The following TTC17 variants were observed in gnomAD, a reference collection of about 807,000 sequenced individuals.
The protein encoded by TTC17 is tetratricopeptide repeat protein 17.
TTC17 carries 58 observed loss-of-function variants against 143.8 expected under a neutral mutation model. The observed-to-expected ratio is 0.40, with a 90% CI of 0.33 to 0.50. The LOEUF is 0.50. Ranked by LOEUF, TTC17 falls within the 20% of genes least tolerant of loss-of-function variation. The pLI is 0.49. For synonymous variants in TTC17, 501 were observed against 497.8 expected (o/e 1.01, Z -0.09); for missense variants, 1,273 against 1,392.5 (o/e 0.91, Z 1.37).
chr11:43,482,948 CTT>C (rs1161250051), intron 21 of TTC17, among the ~76,000 whole-genome samples: 2 of 151,970 alleles, frequency 1.3e-5, no homozygotes, highest in Admixed American at 6.6e-5. Flanking sequence ...GTAAAATAAA[CTT>C]TTGGCAAAAT....
At chr11:43,362,556 G>A (rs1331263643) in intron 1 of TTC17, among the ~76,000 whole-genome samples, 1 of 152,260 alleles carries the variant, frequency 6.6e-6, no homozygotes, top group East Asian at 1.9e-4. Flanking sequence ...GTCAGAGCTG[G>A]GGCTGCTGCA....
intron 23 of TTC17, among the ~76,000 whole-genome samples, chr11:43,492,800 A>G (rs1948496882): frequency 6.6e-6 from 1 of 152,232 alleles, no homozygotes. Flanking sequence ...CTGATCAGAA[A>G]CAAGAACTGC....
intron 21 of TTC17, among the ~76,000 whole-genome samples, chr11:43,458,902 T>G (rs1387096496): frequency 2.0e-5 from 3 of 152,198 alleles, no homozygotes; most frequent in Non-Finnish European, 4.4e-5. Context: ...TTACTGTGTC[T>G]AATTTATAAA....
At chr11:43,430,543 A>T (rs189121014) in intron 16 of TTC17, among the ~76,000 whole-genome samples, 1 of 152,164 alleles carries the variant, frequency 6.6e-6, no homozygotes, top group Non-Finnish European at 1.5e-5. Context: ...GTCTATTAAA[A>T]TGTCCTTTAG....
In TTC17 at chr11:43,396,731, A is replaced by G. The variant is rs1590351861; in HGVS notation, c.686A>G (p.Tyr229Cys). The change falls in exon 6 of 24, where the codon TAT (tyrosine) becomes TGT (cysteine). Residue 229 changes from tyrosine (Y) to cysteine (C), a missense_variant. Physicochemically the swap from Tyr to Cys is radical, Grantham distance 194. Around this residue, in one of 3 missense-constraint regions of TTC17, gnomAD observed 325 missense variants for 444.2 expected, o/e 0.73. Transcript: ENST00000039989. ...TAGAACACTTCCTCGTGGGTACTGTATAACATGGCTTCATTTTACTGGAGA... is the reference window on the plus strand; with the variant it reads ...TAGAACACTTCCTCGTGGGTACTGTGTAACATGGCTTCATTTTACTGGAGA... ...LQKNTSSWVL[Y>C]NMASFYWRIK... 6.2e-7 allele frequency: 1 copy of G among 1,608,236 alleles called. No homozygotes were observed. Among genetic ancestry groups the G allele is most frequent in the Non-Finnish European group, 8.5e-7 (1 of 1,175,682 alleles).
chr11:43,463,287 T>TA (rs1590464560), intron 21 of TTC17, among the ~76,000 whole-genome samples: 1 of 151,996 alleles, frequency 6.6e-6, no homozygotes, highest in African/African-American at 2.4e-5. Flanking sequence ...GACTGAGCCA[T>TA]AAAAAAGGCC....
At chr11:43,446,046 C>T in intron 18 of TTC17, 5 of 1,524,062 alleles carry the variant, frequency 3.3e-6, no homozygotes, top group South Asian at 1.2e-5. Flanking sequence ...GAGATGTGGG[C>T]TTGAAGCCTT....
chr11:43,379,935 G>GT (rs199760648), intron 2 of TTC17, among the ~76,000 whole-genome samples: 43 of 148,670 alleles, frequency 2.9e-4, no homozygotes, highest in Admixed American at 1.2e-3. Context: ...GAAAAACTAG[G>GT]TTTTTTTTTT....
intron 21 of TTC17, among the ~76,000 whole-genome samples, chr11:43,454,464 A>G (rs951243125): frequency 5.9e-5 from 9 of 152,142 alleles, no homozygotes; most frequent in African/African-American, 2.2e-4. Flanking sequence ...AGATGGATTC[A>G]AGGGACCAAG....
rs1590401246 is a variant in TTC17 at position 43,427,250 on chromosome 11, A to G, written c.2251+12474A>G. Among the ~76,000 whole-genome samples, 3 of 152,296 alleles carry G rather than the reference A, an allele frequency of 2.0e-5. No homozygotes were observed. In the East Asian group the frequency reaches 5.8e-4, roughly 29 times the overall value. ...GCAGGAAAAAGGAGAGGCAGATGGT[A>G]AACACTAAGGGTTGTGGGTAGCTAG... On this transcript the variant is annotated intron_variant, in intron 16 of 23. Coordinates refer to ENST00000039989, the MANE Select transcript of TTC17 (RefSeq NM_018259.6).
At chr11:43,364,047 C>CTTTTT (rs71308379) in intron 1 of TTC17, among the ~76,000 whole-genome samples, 4 of 94,452 alleles carry the variant, frequency 4.2e-5, no homozygotes, top group Admixed American at 1.3e-4. Context: ...TACAGATCCT[C>CTTTTT]TTTTTTTTTT....
intron 7 of TTC17, 67 bp from the exon 8 acceptor site, chr11:43,397,901 CGTGTGT>C (rs368934799): frequency 0.07 from 86,643 of 1,235,522 alleles, 2,254 homozygotes; most frequent in East Asian, 0.17. Flanking sequence ...TTTTTTTTTC[CGTGTGT>C]GTGTGTGTGT....
rs781433432 is a variant in TTC17 at position 43,451,197 on chromosome 11, G to A, written c.2962G>A (p.Gly988Ser). 49 of 1,612,678 alleles carry A rather than the reference G, an allele frequency of 3.0e-5. No homozygotes were observed. Among genetic ancestry groups the A allele is most frequent in the Non-Finnish European group, 3.9e-5 (46 of 1,179,078 alleles). The part of the protein sequence containing the change: ...SQLTEVLQNL[G>S]KDQYPQQSLE... ...TTCCTTCCAGGTATTACAAAATCTC[G>A]GCAAAGACCAATATCCACAACAGTC... Residue 988 changes from glycine to serine, a missense_variant, in exon 21 of 24, where the codon GGC becomes AGC. This residue lies in a region of TTC17 where 878 missense variants were observed against 899.8 expected (regional missense o/e 0.98). Transcript: ENST00000039989.
intron 16 of TTC17, among the ~76,000 whole-genome samples, chr11:43,434,231 A>ACACTCT (rs1554994994): frequency 9.4e-6 from 1 of 106,512 alleles, no homozygotes; most frequent in African/African-American, 3.6e-5. Context: ...ACACACACAC[A>ACACTCT]CTCTCATGGC....
intron 16 of TTC17, among the ~76,000 whole-genome samples, chr11:43,432,419 TCTTA>T (rs1398967942): frequency 6.6e-6 from 1 of 152,224 alleles, no homozygotes; most frequent in Non-Finnish European, 1.5e-5. Context: ...TCTTGTAGTC[TCTTA>T]CTTCTAAGAA....
At chr11:43,405,432 A>T in intron 11 of TTC17, 82 bp from the exon 12 acceptor site, 1 of 963,178 alleles carries the variant, frequency 1.0e-6, no homozygotes, top group Non-Finnish European at 1.7e-6. Flanking sequence ...CAATTATTGT[A>T]GTATATCATT....
At chr11:43,421,348 G>A (rs1466355412) in intron 16 of TTC17, among the ~76,000 whole-genome samples, 1 of 152,224 alleles carries the variant, frequency 6.6e-6, no homozygotes, top group Non-Finnish European at 1.5e-5. Context: ...GGAGATGAAA[G>A]CAGAGATAAA....
intron 19 of TTC17, chr11:43,449,624 G>C (rs1035711084): frequency 6.6e-6 from 1 of 152,630 alleles, no homozygotes; most frequent in Admixed American, 6.5e-5. Flanking sequence ...GTGAATGTTT[G>C]CCTAATAATT....
chr11:43,451,583 T>C (rs1947658457), intron 21 of TTC17, among the ~76,000 whole-genome samples: 1 of 152,230 alleles, frequency 6.6e-6, no homozygotes, highest in African/African-American at 2.4e-5. Context: ...AAGTCAGATA[T>C]TCTTCTGATG....
Sources: gnomAD v4.1 joint callset for allele counts (sites outside exome capture counted in the v4.1 genomes callset) on GRCh38, gnomAD v4.1.1 for gene constraint, gnomAD v4.1.1 regional missense constraint, MANE v1.5 for transcripts, NCBI Gene and HGNC (gene_info 2026-07-23, HGNC 2026-07-21) for gene names.